Variants in CYP2A13 observed in about 807,000 individuals in gnomAD.
The protein encoded by CYP2A13 is cytochrome P450 family 2 subfamily A member 13, also known as cytochrome P450 2A13.
In CYP2A13, 30 loss-of-function variants were observed where a neutral mutation model predicts 39.4. The ratio of observed to expected loss-of-function variants is 0.76; its 90% CI spans 0.57 to 1.03. CYP2A13 has a LOEUF of 1.03. Ranked by LOEUF, CYP2A13 falls within the 50% of genes least tolerant of loss-of-function variation. The pLI, the probability that CYP2A13 is intolerant of heterozygous loss-of-function variation, is 0.00. For missense variants in CYP2A13, 731 were observed against 648.4 expected (o/e 1.13, Z -1.38); for synonymous variants, 269 against 254.7 (o/e 1.06, Z -0.54).
chr19:41,089,828 CT>C, intron 2 of CYP2A13, among the ~76,000 whole-genome samples: 1 of 102,030 alleles, frequency 9.8e-6, no homozygotes, highest in East Asian at 2.6e-4. Flanking sequence ...CTCTCTCTCT[CT>C]CTCTCTCTCT....
At chr19:41,094,031 A>C (rs1215418138) in intron 6 of CYP2A13, among the ~76,000 whole-genome samples, 2 of 151,938 alleles carry the variant, frequency 1.3e-5, no homozygotes, top group South Asian at 2.1e-4. Flanking sequence ...ATCATCCCCT[A>C]AGTTCCTCCC....
At chr19:41,088,728 C>T in intron 1 of CYP2A13, 77 bp downstream of exon 1, 1 of 1,558,006 alleles carries the variant, frequency 6.4e-7, no homozygotes, top group Non-Finnish European at 8.7e-7. Flanking sequence ...AGGGGATTGA[C>T]CAGTGTGGAC....
chr19:41,089,143 C>A lies in CYP2A13; in HGVS notation c.343+52C>A, dbSNP rs3826712. 4,148 of 1,607,364 alleles carry A rather than the reference C, an allele frequency of 2.6e-3. 63 individuals carry two copies. In the African/African-American group the frequency reaches 0.032, roughly 12 times the overall value. On this transcript the variant is annotated intron_variant, in intron 2 of 8. Coordinates refer to ENST00000330436, the MANE Select transcript of CYP2A13 (RefSeq NM_000766.5). ...GTGGCCAGGTGGATGCAATGGTCTC[C>A]GTGTCCCCAGCCTTCTCCCTGACTC...
Position 41,095,070 on chromosome 19 carries a change from A to T in CYP2A13, c.1273A>T (p.Lys425Ter), listed in dbSNP as rs761348304. 1.2e-6 allele frequency: 2 copies of T among 1,614,074 alleles called. No individual in the cohort carries two copies. Among genetic ancestry groups the T allele is most frequent in the Non-Finnish European group, 8.5e-7 (1 of 1,180,006 alleles). ...HFLDKKGQFK[K>*]SDAFVPFSIG... ...CCTGGATAAGAAGGGGCAGTTTAAG[A>T]AGAGTGATGCTTTTGTGCCCTTTTC... The change falls in exon 8 of 9, where the codon AAG becomes TAG. Residue 425 changes from lysine (K) to a stop codon, truncating the protein, a stop_gained. Coordinates refer to ENST00000330436, the MANE Select transcript of CYP2A13 (RefSeq NM_000766.5). LOFTEE classifies it low-confidence loss of function (END_TRUNC).
In CYP2A13 at chr19:41,088,583, A is replaced by G; in HGVS notation, c.112A>G (p.Thr38Ala). Residue 38 changes from threonine (T) to alanine (A), a missense_variant, in exon 1 of 9, where the codon ACC becomes GCC. By Grantham distance (58) the Thr-to-Ala change is moderately conservative. Transcript: ENST00000330436. ...CAGGGGGAAGCTGCCTCCGGGACCC[A>G]CCCCATTGCCCTTCATTGGAAACTA... Reference protein sequence around the residue: ...KSRGKLPPGPTPLPFIGNYLQ... With the variant: ...KSRGKLPPGPAPLPFIGNYLQ... 1.2e-6 allele frequency: 2 copies of G among 1,613,806 alleles called. No homozygotes were observed. Among genetic ancestry groups the G allele is most frequent in the Non-Finnish European group, 1.7e-6 (2 of 1,179,888 alleles).
intron 8 of CYP2A13, among the ~76,000 whole-genome samples, chr19:41,095,473 C>A (rs551888152): frequency 6.6e-6 from 1 of 152,134 alleles, no homozygotes; most frequent in African/African-American, 2.4e-5. Flanking sequence ...ATGATGGAGG[C>A]ATGACATTAT....
rs867835424 is a variant in CYP2A13, at chr19:41,090,186, G to A, written c.483G>A (p.Arg161=). Residue 161 remains arginine (R), a synonymous_variant, in exon 3 of 9, where the codon CGG becomes CGA. Coordinates refer to ENST00000330436, the MANE Select transcript of CYP2A13 (RefSeq NM_000766.5). ...EEAGFLIDAL[R]GTHGANIDPT... ...CGGGCTTCCTCATCGACGCCCTCCG[G>A]GGCACGCACGGTGAGTAGGGGACCC... is the stretch of plus-strand genomic sequence containing the variant. 2.5e-6 allele frequency: 4 copies of A among 1,578,306 alleles called. No homozygotes were observed. The Middle Eastern group carries it at 6.8e-4, about 269-fold the overall frequency.
chr19:41,088,927 A>G lies in CYP2A13; in HGVS notation c.181-2A>G. The G allele has an allele frequency of 6.2e-7, 1 of 1,613,932 alleles. No homozygotes were observed. Among genetic ancestry groups the G allele is most frequent in the Non-Finnish European group, 8.5e-7 (1 of 1,179,900 alleles). ...CTAACCACTCCCACCTGCCTCCAAC[A>G]GATCAGTGAGCGCTATGGCCCTGTG... On this transcript the variant is annotated splice_acceptor_variant, in intron 1 of 8. Transcript: ENST00000330436. LOFTEE classifies it high-confidence loss of function.
At position 41,088,486 on chromosome 19, in the gene CYP2A13, G is replaced by A. The variant is rs1414142679; in HGVS notation, c.15G>A (p.Gly5=). The A allele has an allele frequency of 6.2e-7, 1 of 1,613,640 alleles. No individual in the cohort carries two copies. The highest frequency in any genetic ancestry group is 8.5e-7 in the Non-Finnish European group (1 of 1,179,676). Residue 5 remains glycine, a synonymous_variant, in exon 1 of 9, where the codon GGG becomes GGA. Coordinates refer to ENST00000330436, the MANE Select transcript of CYP2A13 (RefSeq NM_000766.5). MLAS[G]LLLVTLLACL... is the part of the protein sequence containing the mutation. ...CCACTGCCACCATGCTGGCCTCAGG[G>A]CTGCTTCTGGTGACCTTGCTGGCCT...
Position 41,091,816 on chromosome 19 carries a change from T to C in CYP2A13, c.739T>C (p.Phe247Leu). The C allele has an allele frequency of 6.2e-7, 1 of 1,614,156 alleles. No homozygotes were observed. Among genetic ancestry groups the C allele is most frequent in the Admixed American group, 1.7e-5 (1 of 60,024 alleles). Residue 247 changes from phenylalanine to leucine, a missense_variant, in exon 5 of 9, where the codon TTC (phenylalanine) becomes CTC (leucine). Phe to Leu is a conservative substitution (Grantham distance 22). Coordinates refer to ENST00000330436, the MANE Select transcript of CYP2A13 (RefSeq NM_000766.5). ...TAAGGAGCTGCAAGGGCTGGAGGACTTCATCGCCAAGAAGGTGGAGCACAA... is the reference window on the plus strand; with the variant it reads ...TAAGGAGCTGCAAGGGCTGGAGGACCTCATCGCCAAGAAGGTGGAGCACAA... ...AFKELQGLED[F>L]IAKKVEHNQR... is the part of the protein sequence containing the mutation.
chr19:41,092,581 G>A (rs2031216763), intron 5 of CYP2A13, among the ~76,000 whole-genome samples: 1 of 152,186 alleles, frequency 6.6e-6, no homozygotes, highest in South Asian at 2.1e-4. Context: ...GAGAGTTTAA[G>A]TGTCTTAACT....
chr19:41,090,223 G>A (rs1599653925), intron 3 of CYP2A13, 27 bp downstream of exon 3: 1 of 1,549,622 alleles, frequency 6.5e-7, no homozygotes, highest in Non-Finnish European at 8.7e-7. Context: ...GAGTGCGAGG[G>A]CGGGAACCCG....
At position 41,093,750 on chromosome 19, in the gene CYP2A13, A is replaced by G. The variant is rs767081098; in HGVS notation, c.952A>G (p.Met318Val). 4 of 1,614,004 alleles carry G rather than the reference A, an allele frequency of 2.5e-6. No homozygotes were observed. Among genetic ancestry groups the G allele is most frequent in the Non-Finnish European group, 3.4e-6 (4 of 1,179,976 alleles). Reference sequence around the variant, plus strand: ...CCTGCGCTACGGTTTCCTGCTGCTCATGAAGCACCCAGAGGTGGAGGGTAA... The same window carrying G: ...CCTGCGCTACGGTTTCCTGCTGCTCGTGAAGCACCCAGAGGTGGAGGGTAA... ...TTLRYGFLLL[M>V]KHPEVEAKVH... Residue 318 changes from methionine to valine, a missense_variant, in exon 6 of 9, where the codon ATG becomes GTG. Met to Val is a conservative substitution (Grantham distance 21, BLOSUM62 1). Transcript: ENST00000330436.
intron 5 of CYP2A13, 144 bp from the exon 6 acceptor site, chr19:41,093,486 G>T (rs1403268210): frequency 1.1e-6 from 1 of 927,162 alleles, no homozygotes; most frequent in African/African-American, 1.7e-5. Context: ...GCAAGGGCTG[G>T]AACCTGGAGC....
chr19:41,089,453 CCT>C (rs1206345226), intron 2 of CYP2A13, among the ~76,000 whole-genome samples: 3 of 152,030 alleles, frequency 2.0e-5, no homozygotes, highest in African/African-American at 4.8e-5. Flanking sequence ...CCGTGTTTCT[CCT>C]CTCTCTGCTT....
chr19:41,090,066 G>T lies in CYP2A13; in HGVS notation c.363G>T (p.Gly121=), dbSNP rs749130656. The change falls in exon 3 of 9, where the codon GGG becomes GGT. Residue 121 remains glycine, a synonymous_variant. Transcript: ENST00000330436. ...CCCCAGGCGTGGCGTTCAGCAACGG[G>T]GAGCGCGCCAAGCAGCTCCGGCGCT... ...FKGYGVAFSN[G]ERAKQLRRFS... 2 of 1,612,872 alleles carry T rather than the reference G, an allele frequency of 1.2e-6. No individual in the cohort carries two copies. The highest frequency in any genetic ancestry group is 1.7e-6 in the Non-Finnish European group (2 of 1,179,676).
chr19:41,092,312 TAAAAAAAAAAAAAAAAA>T (rs529985444), intron 5 of CYP2A13, among the ~76,000 whole-genome samples: 6 of 53,782 alleles, frequency 1.1e-4, no homozygotes, highest in African/African-American at 1.4e-4. Flanking sequence ...CAAGACCCTG[TAAAAAAAAAAAAAAAAA>T]AAAAAAAAAA....
Position 41,090,519 on chromosome 19 carries a change from C to T in CYP2A13, c.609C>T (p.Arg203=), listed in dbSNP as rs1599654155. The change falls in exon 4 of 9, where the codon CGC becomes CGT. Residue 203 remains arginine, a synonymous_variant. Transcript: ENST00000330436. The part of the protein sequence containing the change: ...YEDKEFLSLL[R]MMLGSFQFTA... Reference sequence around the variant, plus strand: ...ACAAAGAGTTCCTGTCACTGTTGCGCATGATGCTGGGAAGCTTCCAGTTCA... The same window carrying T: ...ACAAAGAGTTCCTGTCACTGTTGCGTATGATGCTGGGAAGCTTCCAGTTCA... 1 of 1,614,158 alleles carries T rather than the reference C, an allele frequency of 6.2e-7. No homozygotes were observed. Among genetic ancestry groups the T allele is most frequent in the East Asian group, 2.2e-5 (1 of 44,878 alleles).
At chr19:41,095,292 G>A (rs2031280798) in intron 8 of CYP2A13, among the ~76,000 whole-genome samples, 192 bp downstream of exon 8, 1 of 152,144 alleles carries the variant, frequency 6.6e-6, no homozygotes, top group African/African-American at 2.4e-5. Context: ...AGGTAAAAGG[G>A]AAGGAAACAT....
Sources: gnomAD v4.1 joint callset for allele counts (sites outside exome capture counted in the v4.1 genomes callset) on GRCh38, gnomAD v4.1.1 for gene constraint, MANE v1.5 for transcripts, NCBI Gene and HGNC (gene_info 2026-07-23, HGNC 2026-07-21) for gene names.